Variants in TP53BP1 observed in about 807,000 individuals in gnomAD.
The protein encoded by TP53BP1 is tumor protein p53 binding protein 1, also known as TP53-binding protein 1.
TP53BP1 carries 61 observed loss-of-function variants against 200.8 expected under a neutral mutation model. The observed-to-expected ratio is 0.30, with a 90% CI of 0.25 to 0.38. The LOEUF is 0.38. TP53BP1 is among the 10% of genes least tolerant of loss of function. TP53BP1 has a pLI of 1.00. For missense variants in TP53BP1, 2,144 were observed against 2,371.9 expected, an observed-to-expected ratio of 0.90 and a Z score of 2.00; for synonymous variants, 822 against 844.3, an observed-to-expected ratio of 0.97 and a Z score of 0.46.
rs535152117 is a variant in TP53BP1, at chr15:43,413,893, G to A, written c.5090-559C>T. On this transcript the variant is annotated intron_variant, in intron 23 of 27. Transcript: ENST00000382044. Reference sequence around the variant, plus strand: ...ACCAGAATGGTGCAGAGAATACTTGGTAATAAAGTGTTTTTACACATAGAT... The same window carrying A: ...ACCAGAATGGTGCAGAGAATACTTGATAATAAAGTGTTTTTACACATAGAT... Among the ~76,000 whole-genome samples the A allele has an allele frequency of 3.9e-5, 6 of 152,208 alleles. No individual in the cohort carries two copies. In the East Asian group the frequency reaches 1.2e-3, roughly 29 times the overall value.
chr15:43,415,234 T>A, intron 23 of TP53BP1: 1 of 200,130 alleles, frequency 5.0e-6, no homozygotes. Flanking sequence ...GGAGACCAAG[T>A]TTCACTCTTG....
chr15:43,482,596 G>A (rs1262465066), intron 4 of TP53BP1, among the ~76,000 whole-genome samples: 1 of 152,002 alleles, frequency 6.6e-6, no homozygotes, highest in African/African-American at 2.4e-5. Flanking sequence ...GTGAAACCCT[G>A]TCTCTACTAA....
chr15:43,440,909 AAAG>A (rs1167082049), intron 15 of TP53BP1, among the ~76,000 whole-genome samples: 1 of 152,144 alleles, frequency 6.6e-6, no homozygotes, highest in Non-Finnish European at 1.5e-5. Context: ...AAAGAAAATA[AAAG>A]AAGAATTCTT....
chr15:43,411,741 CATTTT>C (rs2045122687), intron 24 of TP53BP1, among the ~76,000 whole-genome samples: 1 of 152,216 alleles, frequency 6.6e-6, no homozygotes, highest in African/African-American at 2.4e-5. Flanking sequence ...CCAAATGCCT[CATTTT>C]ATTTTTATGA....
intron 16 of TP53BP1, among the ~76,000 whole-genome samples, chr15:43,437,263 G>C (rs1414886283): frequency 2.6e-5 from 4 of 152,108 alleles, no homozygotes; most frequent in African/African-American, 9.7e-5. Context: ...AAACTAAGGA[G>C]AAATAAAAAG....
chr15:43,442,781 C>G (rs895122743), intron 14 of TP53BP1, among the ~76,000 whole-genome samples: 1 of 147,018 alleles, frequency 6.8e-6, no homozygotes, highest in Admixed American at 6.9e-5. Flanking sequence ...ATTACACATA[C>G]GAGCTACGAC....
At chr15:43,407,816 C>CTT in intron 27 of TP53BP1, 127 bp downstream of exon 27, 1 of 1,034,576 alleles carries the variant, frequency 9.7e-7, no homozygotes, top group Non-Finnish European at 1.4e-6. Flanking sequence ...GAAGGTGGTA[C>CTT]TTTTCTTCTC....
intron 11 of TP53BP1, among the ~76,000 whole-genome samples, chr15:43,462,216 C>CAAAAAA (rs779088744): frequency 2.9e-5 from 1 of 34,100 alleles, no homozygotes; most frequent in Non-Finnish European, 6.2e-5. Flanking sequence ...GACTTCATCT[C>CAAAAAA]AAAAAAAAAA....
At chr15:43,448,065 T>C (rs755505334) in intron 12 of TP53BP1, among the ~76,000 whole-genome samples, 8 of 152,208 alleles carry the variant, frequency 5.3e-5, no homozygotes, top group Non-Finnish European at 1.0e-4. Context: ...GGTTCAGCAG[T>C]ACGGACCAGC....
intron 11 of TP53BP1, among the ~76,000 whole-genome samples, chr15:43,466,870 A>G (rs962028961): frequency 6.6e-6 from 1 of 152,178 alleles, no homozygotes; most frequent in Non-Finnish European, 1.5e-5. Flanking sequence ...GAAAAAGAAA[A>G]TATAATCATG....
chr15:43,456,483 G>A lies in TP53BP1; in HGVS notation c.2125C>T (p.Gln709Ter), dbSNP rs2046299843. Residue 709 changes from glutamine to a stop codon, truncating the protein, a stop_gained, in exon 12 of 28, where the codon CAA (glutamine) becomes TAA (stop). Coordinates refer to ENST00000382044, the MANE Select transcript of TP53BP1 (RefSeq NM_001141980.3). LOFTEE classifies it high-confidence loss of function. ...CATTCTTTTTTTGGCATTTCCTTTT[G>A]AAGACACAACCCTTGGGACTGAGTT... ...TETQSQGLCL[Q>*]KEMPKKECSE... The A allele has an allele frequency of 6.4e-7, 1 of 1,571,304 alleles. No homozygotes were observed. Among genetic ancestry groups the A allele is most frequent in the African/African-American group, 1.4e-5 (1 of 73,022 alleles).
At chr15:43,491,930 G>A in intron 3 of TP53BP1, 72 bp downstream of exon 3, 4 of 1,275,736 alleles carry the variant, frequency 3.1e-6, no homozygotes, top group Non-Finnish European at 4.6e-6. Flanking sequence ...ACCACATAAA[G>A]TTTAAATCCA....
chr15:43,438,027 A>G (rs956601616), intron 16 of TP53BP1, among the ~76,000 whole-genome samples: 2 of 152,234 alleles, frequency 1.3e-5, no homozygotes, highest in East Asian at 3.8e-4. Flanking sequence ...AGAAGGTGGA[A>G]AGGGGGCCAA....
intron 4 of TP53BP1, among the ~76,000 whole-genome samples, chr15:43,486,082 A>C (rs548867459): frequency 2.9e-4 from 44 of 152,224 alleles, no homozygotes; most frequent in Admixed American, 2.7e-3. Flanking sequence ...AACAAACAAA[A>C]AAAAAATTGG....
chr15:43,480,759 A>G, intron 5 of TP53BP1, 136 bp downstream of exon 5: 2 of 1,006,262 alleles, frequency 2.0e-6, no homozygotes, highest in Non-Finnish European at 3.0e-6. Context: ...TTAAATTACT[A>G]GCAAATTTCT....
chr15:43,413,302 A>C lies in TP53BP1; in HGVS notation c.5122T>G (p.Cys1708Gly). 6 of 1,614,110 alleles carry C rather than the reference A, an allele frequency of 3.7e-6. No homozygotes were observed. The highest frequency in any genetic ancestry group is 5.1e-6 in the Non-Finnish European group (6 of 1,180,010). ...AVGAGEFVSP[C>G]ESGDNTGEPS... is the part of the protein sequence containing the mutation. ...TCACCGGTGTTGTCTCCACTCTCAC[A>C]GGGGCTCACAAACTCTCCTGCCCCT... is the stretch of plus-strand genomic sequence containing the variant. The change falls in exon 24 of 28, where the codon TGT (cysteine) becomes GGT (glycine). Residue 1708 changes from cysteine to glycine, a missense_variant. Physicochemically the swap from Cys to Gly is radical, Grantham distance 159 (BLOSUM62 -3). Coordinates refer to ENST00000382044, the MANE Select transcript of TP53BP1 (RefSeq NM_001141980.3).
rs1353460800 is a variant in TP53BP1 at position 43,492,446 on chromosome 15, TC to T, written c.29del (p.Gly10GlufsTer16). 6.2e-7 allele frequency: 1 copy of T among 1,613,650 alleles called. No individual in the cohort carries two copies. Among genetic ancestry groups the T allele is most frequent in the Non-Finnish European group, 8.5e-7 (1 of 1,179,766 alleles). ...GAGAGAAATCTGAATCCAACTGACT[TC>T]CAGTAGGGTCCATCTGCTCCCCTGG... is the stretch of plus-strand genomic sequence containing the variant. MPGEQMDPTGSQLDSDFSQQ... is the reference protein window; with the variant it reads MPGEQMDPTXSQLDSDFSQQ... On this transcript the variant is annotated frameshift_variant, in exon 2 of 28. Coordinates refer to ENST00000382044, the MANE Select transcript of TP53BP1 (RefSeq NM_001141980.3). LOFTEE classifies it high-confidence loss of function.
intron 16 of TP53BP1, 76 bp downstream of exon 16, chr15:43,438,248 G>A (rs967826137): frequency 2.2e-5 from 28 of 1,300,826 alleles, no homozygotes; most frequent in African/African-American, 1.5e-4. Flanking sequence ...CCACAGCACA[G>A]TACATATTAG....
intron 27 of TP53BP1, 75 bp downstream of exon 27, chr15:43,407,868 G>T: frequency 7.0e-7 from 1 of 1,438,318 alleles, no homozygotes; most frequent in Non-Finnish European, 9.4e-7. Flanking sequence ...CCTGAGCCTT[G>T]GACCACAAGG....
Sources: gnomAD v4.1 joint callset for allele counts (sites outside exome capture counted in the v4.1 genomes callset) on GRCh38, gnomAD v4.1.1 for gene constraint, MANE v1.5 for transcripts, NCBI Gene and HGNC (gene_info 2026-07-23, HGNC 2026-07-21) for gene names.